TNRC6A: variants seen among roughly 807,000 people sequenced by gnomAD.
TNRC6A encodes the protein trinucleotide repeat-containing gene 6A protein.
A neutral mutation model predicts 221.2 loss-of-function variants in TNRC6A; 44 were observed. That is an observed-to-expected ratio of 0.20 (90% CI 0.16 to 0.26). The LOEUF is 0.26. Ranked by LOEUF, TNRC6A falls within the 10% of genes least tolerant of loss-of-function variation. The pLI is 1.00. For missense variants in TNRC6A, 2,199 were observed against 2,404.4 expected (o/e 0.91, Z 1.79); for synonymous variants, 847 against 838.5 (o/e 1.01, Z -0.18).
At position 24,787,897 on chromosome 16, in the gene TNRC6A, A is replaced by G. The variant is rs183351854; in HGVS notation, c.590-1335A>G. Among the ~76,000 whole-genome samples the G allele has an allele frequency of 7.7e-4, 118 of 152,344 alleles. 2 individuals carry two copies. Among genetic ancestry groups the G allele is most frequent in the African/African-American group, 2.6e-3 (110 of 41,588 alleles). On this transcript the variant is annotated intron_variant, in intron 5 of 24. Coordinates refer to ENST00000395799, the MANE Select transcript of TNRC6A (RefSeq NM_014494.4). ...GCCTACAACCCCTGAAGGTTGGCTC[A>G]TTAGGTCTGGGACACTGCCTTGAAG...
intron 2 of TNRC6A, among the ~76,000 whole-genome samples, chr16:24,647,113 G>C (rs113346501): frequency 1.4e-3 from 211 of 151,976 alleles, no homozygotes; most frequent in Middle Eastern, 0.014. Flanking sequence ...TCTATTTTTC[G>C]TAGAGACAGG....
chr16:24,671,915 A>G (rs1443463478), intron 2 of TNRC6A, among the ~76,000 whole-genome samples: 4 of 152,196 alleles, frequency 2.6e-5, no homozygotes, highest in African/African-American at 9.6e-5. Context: ...AAAAGAGTAA[A>G]GAGACAAAAA....
At chr16:24,658,458 T>G (rs1379420542) in intron 2 of TNRC6A, among the ~76,000 whole-genome samples, 1 of 151,920 alleles carries the variant, frequency 6.6e-6, no homozygotes, top group Admixed American at 6.6e-5. Flanking sequence ...GCCTTCCCAA[T>G]TCGAGCAATT....
At chr16:24,755,112 T>C (rs1789466961) in intron 3 of TNRC6A, among the ~76,000 whole-genome samples, 1 of 152,180 alleles carries the variant, frequency 6.6e-6, no homozygotes, top group South Asian at 2.1e-4. Context: ...CACTTCTCTT[T>C]TCCTCTTTTA....
chr16:24,618,642 A>ATTTT (rs61228496), intron 1 of TNRC6A, among the ~76,000 whole-genome samples: 8 of 88,040 alleles, frequency 9.1e-5, no homozygotes, highest in South Asian at 8.1e-4. Flanking sequence ...CATTTCATGA[A>ATTTT]TTTTTTTTTT....
At chr16:24,648,304 C>T (rs970281633) in intron 2 of TNRC6A, among the ~76,000 whole-genome samples, 24 of 52,828 alleles carry the variant, frequency 4.5e-4, no homozygotes, top group African/African-American at 2.0e-3. Flanking sequence ...TGGAGTCTCG[C>T]TCTGTCGCCC....
At chr16:24,634,175 C>A (rs901453135) in intron 1 of TNRC6A, among the ~76,000 whole-genome samples, 1 of 152,052 alleles carries the variant, frequency 6.6e-6, no homozygotes, top group African/African-American at 2.4e-5. Flanking sequence ...CGCAGTGGTT[C>A]AGGCCTGTAA....
intron 15 of TNRC6A, 115 bp downstream of exon 15, chr16:24,805,848 C>A: frequency 7.5e-7 from 1 of 1,326,714 alleles, no homozygotes; most frequent in Non-Finnish European, 1.1e-6. Context: ...AGTCATAGTC[C>A]TCATGGAGCT....
intron 2 of TNRC6A, among the ~76,000 whole-genome samples, chr16:24,709,897 G>A (rs2056172015): frequency 6.6e-6 from 1 of 151,014 alleles, no homozygotes; most frequent in South Asian, 2.1e-4. Context: ...TGTCACAGGT[G>A]TCTTAAATAC....
chr16:24,776,917 C>A lies in TNRC6A; in HGVS notation c.164-16C>A. The A allele has an allele frequency of 6.3e-7, 1 of 1,599,202 alleles. No homozygotes were observed. The highest frequency in any genetic ancestry group is 8.6e-7 in the Non-Finnish European group (1 of 1,168,556). ...CTGGCTAATCTTTTCCACCCCTTTT[C>A]TTTTGTTGGGATTAGTGCCAGAACA... On this transcript the variant is annotated splice_polypyrimidine_tract_variant and intron_variant, in intron 4 of 24. Transcript: ENST00000395799.
intron 4 of TNRC6A, among the ~76,000 whole-genome samples, 173 bp downstream of exon 4, chr16:24,758,533 G>C (rs1475831374): frequency 6.6e-6 from 1 of 152,138 alleles, no homozygotes; most frequent in Non-Finnish European, 1.5e-5. Context: ...TGGTTATTGT[G>C]GTGTATGTGA....
intron 1 of TNRC6A, among the ~76,000 whole-genome samples, chr16:24,619,090 A>G (rs1409929167): frequency 1.3e-5 from 2 of 152,214 alleles, no homozygotes; most frequent in Non-Finnish European, 2.9e-5. Flanking sequence ...ACTACTCTGT[A>G]CTTTTTCTTC....
intron 2 of TNRC6A, among the ~76,000 whole-genome samples, chr16:24,661,237 C>CCTT (rs1027968629): frequency 8.5e-5 from 13 of 152,120 alleles, no homozygotes; most frequent in Admixed American, 8.5e-4. Context: ...TCCCTCCCAC[C>CCTT]CTTCCCCTTC....
chr16:24,823,551 G>A lies in TNRC6A; in HGVS notation c.5633G>A (p.Ser1878Asn). 6.2e-7 allele frequency: 1 copy of A among 1,614,194 alleles called. No individual in the cohort carries two copies. The highest frequency in any genetic ancestry group is 1.1e-5 in the South Asian group (1 of 91,086). The change falls in exon 25 of 25, where the codon AGC (serine) becomes AAC (asparagine). Residue 1878 changes from serine to asparagine, a missense_variant. By Grantham distance (46) the Ser-to-Asn change is conservative. Transcript: ENST00000395799. This position sits in a 1 kb window ranked among gnomAD's most constrained non-coding sequence, Gnocchi z 4.3. ...PSPGWQSLGSSQSRLGSLDCS... is the reference protein window; with the variant it reads ...PSPGWQSLGSNQSRLGSLDCS... ...CCCGGCTGGCAGTCTCTCGGGTCCA[G>A]CCAGAGCCGGCTGGGCTCCCTCGAC...
At chr16:24,649,351 C>A (rs2141831628) in intron 2 of TNRC6A, among the ~76,000 whole-genome samples, 1 of 152,090 alleles carries the variant, frequency 6.6e-6, no homozygotes, top group East Asian at 1.9e-4. Context: ...CTCTGTGGCC[C>A]AGGCTGGAGT....
intron 2 of TNRC6A, among the ~76,000 whole-genome samples, chr16:24,684,747 C>T (rs1331993684): frequency 1.6e-4 from 24 of 150,114 alleles, no homozygotes; most frequent in African/African-American, 2.4e-5. Flanking sequence ...TCGAGGTTAC[C>T]GTGAGCTGTG....
Position 24,699,808 on chromosome 16 carries a change from A to G in TNRC6A, n.403-50918A>G, listed in dbSNP as rs2142200782. Among the ~76,000 whole-genome samples the G allele has an allele frequency of 1.3e-5, 2 of 152,174 alleles. 1 individual carries two copies. The highest frequency in any genetic ancestry group is 4.1e-4 in the South Asian group (2 of 4,820). On this transcript the variant is annotated intron_variant and non_coding_transcript_variant, in intron 2 of 2. Transcript: ENST00000566108. ...AGAGCACTGAGCTGAAGGGCCACAG[A>G]TACCATTTCTTTAACAGTCAACCCT...
chr16:24,693,529 A>G (rs192890151), intron 2 of TNRC6A, among the ~76,000 whole-genome samples: 58 of 152,278 alleles, frequency 3.8e-4, no homozygotes, highest in African/African-American at 1.2e-3. Flanking sequence ...CAGAGGTTGC[A>G]GTGAGCCGAG....
intron 2 of TNRC6A, among the ~76,000 whole-genome samples, chr16:24,674,050 T>C (rs944144011): frequency 1.1e-4 from 16 of 152,064 alleles, no homozygotes; most frequent in African/African-American, 4.8e-5. Flanking sequence ...CTGGGAACCA[T>C]TGTCTCTAAT....
Sources: gnomAD v4.1 joint callset for allele counts (sites outside exome capture counted in the v4.1 genomes callset) on GRCh38, gnomAD v4.1.1 for gene constraint, Gnocchi (gnomAD v3.1) non-coding constraint, MANE v1.5 for transcripts, NCBI Gene and HGNC (gene_info 2026-07-23, HGNC 2026-07-21) for gene names.